SLC24A2: variants seen among roughly 807,000 people sequenced by gnomAD.
The protein encoded by SLC24A2 is sodium/potassium/calcium exchanger 2.
A neutral mutation model predicts 62.0 loss-of-function variants in SLC24A2; 36 were observed. The observed-to-expected ratio is 0.58, with a 90% confidence interval of 0.44 to 0.77. SLC24A2 has a LOEUF of 0.77. SLC24A2 is among the 30% of genes least tolerant of loss of function. The pLI, the probability that SLC24A2 is intolerant of heterozygous loss-of-function variation, is 0.00. For synonymous variants in SLC24A2, 358 were observed against 294.0 expected (o/e 1.22, Z -2.23); for missense variants, 846 against 817.9 (o/e 1.03, Z -0.42).
rs551918646 is a variant in SLC24A2, at chr9:19,676,995, G to T, written c.931-54696C>A. On this transcript the variant is annotated intron_variant, in intron 2 of 10. Coordinates refer to ENST00000341998, the MANE Select transcript of SLC24A2 (RefSeq NM_020344.4). ...GCACTGTTGGTGGGAGTGTAAATTA[G>T]TTCACCCACTGTAGAAAATACTGTG... Among the ~76,000 whole-genome samples, 7 of 152,290 alleles carry T rather than the reference G, an allele frequency of 4.6e-5. No homozygotes were observed. In the East Asian group the frequency reaches 1.4e-3, roughly 29 times the overall value.
the SLC24A2 span, among the ~76,000 whole-genome samples, chr9:20,267,477 T>C: frequency 6.6e-6 from 1 of 152,146 alleles, no homozygotes; most frequent in Non-Finnish European, 1.5e-5. Context: ...AGCTACACTG[T>C]CCTGTCAGGC....
chr9:19,788,653 C>A, intron 1 of SLC24A2: 1 of 985,442 alleles, frequency 1.0e-6, no homozygotes, highest in Non-Finnish European at 1.2e-6. Flanking sequence ...GCAGGCCCTG[C>A]CCCACGCCCC....
At chr9:19,926,600 A>G in the SLC24A2 span, 2 of 152,366 alleles carry the variant, frequency 1.3e-5, no homozygotes, top group African/African-American at 4.8e-5. Flanking sequence ...AAAACAAAAG[A>G]AAGAAGGAAC....
chr9:20,247,309 C>G, the SLC24A2 span, among the ~76,000 whole-genome samples: 1 of 152,068 alleles, frequency 6.6e-6, no homozygotes, highest in Non-Finnish European at 1.5e-5. Flanking sequence ...AGGCCCTCAC[C>G]AAGAACTCCA....
At chr9:19,587,059 A>C (rs533774146) in intron 5 of SLC24A2, among the ~76,000 whole-genome samples, 2 of 152,308 alleles carry the variant, frequency 1.3e-5, no homozygotes, top group African/African-American at 4.8e-5. Context: ...AATGGGCATA[A>C]AAATTCTCTT....
At chr9:19,886,373 C>A in the SLC24A2 span, among the ~76,000 whole-genome samples, 6 of 150,224 alleles carry the variant, frequency 4.0e-5, no homozygotes, top group African/African-American at 1.2e-4. Flanking sequence ...GGCTTATTGG[C>A]TGTGGGTATG....
chr9:20,248,028 C>A, the SLC24A2 span, among the ~76,000 whole-genome samples: 1 of 152,220 alleles, frequency 6.6e-6, no homozygotes, highest in Non-Finnish European at 1.5e-5. Context: ...ACGTGTAAAG[C>A]AAAGAGCATG....
intron 7 of SLC24A2, among the ~76,000 whole-genome samples, chr9:19,553,448 T>C (rs540505977): frequency 2.0e-5 from 3 of 152,320 alleles, no homozygotes; most frequent in Admixed American, 2.0e-4. Flanking sequence ...TATGAGGGCT[T>C]AAAATAGTTT....
At chr9:19,713,432 A>G (rs2118607796) in intron 2 of SLC24A2, among the ~76,000 whole-genome samples, 1 of 152,316 alleles carries the variant, frequency 6.6e-6, no homozygotes, top group East Asian at 1.9e-4. Context: ...CTCTAAAATT[A>G]TGCTTTGAAT....
chr9:20,023,048 G>C, the SLC24A2 span, among the ~76,000 whole-genome samples: 7 of 152,146 alleles, frequency 4.6e-5, no homozygotes, highest in Non-Finnish European at 5.9e-5. Context: ...TAACATAAGA[G>C]AAAATGACAC....
At chr9:20,044,081 T>C in the SLC24A2 span, among the ~76,000 whole-genome samples, 5 of 152,104 alleles carry the variant, frequency 3.3e-5, no homozygotes, top group African/African-American at 4.8e-5. Context: ...CAGCAAAAGA[T>C]TATAACTCAC....
At chr9:20,261,763 TGAGTCTCGC>T in the SLC24A2 span, among the ~76,000 whole-genome samples, 1 of 119,224 alleles carries the variant, frequency 8.4e-6, no homozygotes, top group Non-Finnish European at 1.7e-5. Context: ...TTTTTGAGAC[TGAGTCTCGC>T]TCTGTCACTC....
the SLC24A2 span, among the ~76,000 whole-genome samples, chr9:20,177,373 T>A: frequency 1.3e-5 from 2 of 152,160 alleles, no homozygotes; most frequent in South Asian, 4.1e-4. Flanking sequence ...AATATCCTTT[T>A]CCTTCCTCTA....
the SLC24A2 span, among the ~76,000 whole-genome samples, chr9:20,219,654 G>A: frequency 6.6e-6 from 1 of 152,142 alleles, no homozygotes; most frequent in African/African-American, 2.4e-5. Context: ...CGTTGGCACA[G>A]GATAATTAAC....
intron 8 of SLC24A2, among the ~76,000 whole-genome samples, chr9:19,549,228 T>C (rs1051695086): frequency 4.6e-5 from 7 of 152,242 alleles, no homozygotes; most frequent in African/African-American, 1.7e-4. Context: ...GTAACCTTCC[T>C]GCTTCAGACC....
the SLC24A2 span, among the ~76,000 whole-genome samples, chr9:20,045,747 A>G: frequency 6.6e-6 from 1 of 152,090 alleles, no homozygotes; most frequent in African/African-American, 2.4e-5. Flanking sequence ...TATTAATACT[A>G]TGTGCCACAC....
the SLC24A2 span, among the ~76,000 whole-genome samples, chr9:19,861,545 A>G: frequency 6.6e-6 from 1 of 152,144 alleles, no homozygotes; most frequent in Non-Finnish European, 1.5e-5. Flanking sequence ...GAACATCTAC[A>G]AAGATGATCC....
chr9:19,754,662 T>A (rs992795438), intron 2 of SLC24A2, among the ~76,000 whole-genome samples: 10 of 146,016 alleles, frequency 6.8e-5, no homozygotes, highest in South Asian at 2.2e-4. Context: ...TTTTTTTTTT[T>A]AATAACCTGT....
chr9:20,283,871 G>A, the SLC24A2 span, among the ~76,000 whole-genome samples: 7 of 152,068 alleles, frequency 4.6e-5, no homozygotes, highest in Non-Finnish European at 8.8e-5. Flanking sequence ...AGCAGGCAGC[G>A]TGTTTAGGGA....
Sources: allele counts gnomAD v4.1 joint callset (sites outside exome capture counted in the v4.1 genomes callset), GRCh38; gene constraint gnomAD v4.1.1; transcripts MANE v1.5; gene names NCBI Gene and HGNC (gene_info 2026-07-23, HGNC 2026-07-21).